The following NR2F2 variants were observed in gnomAD, a reference collection of about 807,000 sequenced individuals.
NR2F2 encodes the protein COUP transcription factor 2.
NR2F2 carries 2 observed loss-of-function variants against 34.8 expected under a neutral mutation model. The ratio of observed to expected loss-of-function variants is 0.06; its 90% CI spans 0.02 to 0.18. NR2F2 has a LOEUF of 0.18. NR2F2 is among the 10% of genes least tolerant of loss of function. NR2F2 has a pLI of 1.00. For synonymous variants in NR2F2, 274 were observed against 251.8 expected (o/e 1.09, Z -0.84); for missense variants, 300 against 580.1 (o/e 0.52, Z 4.96).
chr15:96,337,166 C>G (rs2141171835), intron 2 of NR2F2, among the ~76,000 whole-genome samples, 182 bp from the exon 3 acceptor site: 1 of 152,168 alleles, frequency 6.6e-6, no homozygotes, highest in Non-Finnish European at 1.5e-5. Context: ...CCCGCCTCCC[C>G]CCCTTAAGTT....
chr15:96,333,261 C>T, intron 1 of NR2F2: 1 of 867,076 alleles, frequency 1.2e-6, no homozygotes, highest in Non-Finnish European at 1.4e-6. Context: ...CAATGGCGCG[C>T]TCGGCGCGGG....
In NR2F2 at chr15:96,332,163, G is replaced by A; in HGVS notation, c.58G>A (p.Gly20Ser). The change falls in exon 1 of 3, where the codon GGC becomes AGC. Residue 20 changes from glycine (G) to serine (S), a missense_variant. By Grantham distance (56) the Gly-to-Ser change is moderately conservative. Transcript: ENST00000394166. ...DPQDEVPGSQ[G>S]SQASQAPPVP... The stretch of plus-strand genomic sequence containing the variant: ...CCAGGACGAGGTGCCCGGCTCACAG[G>A]GCAGCCAGGCCTCGCAGGCGCCGCC... 1 of 1,346,556 alleles carries A rather than the reference G, an allele frequency of 7.4e-7. No homozygotes were observed. Among genetic ancestry groups the A allele is most frequent in the South Asian group, 2.0e-5 (1 of 49,822 alleles). 83.4% of individuals were successfully genotyped at this position (1,346,556 alleles called of 1,614,324 possible).
In NR2F2 at chr15:96,338,738, T is replaced by C. The variant is rs2141173375; in HGVS notation, c.*1116T>C. On this transcript the variant is annotated 3_prime_UTR_variant, in exon 3 of 3. Coordinates refer to ENST00000394166, the MANE Select transcript of NR2F2 (RefSeq NM_021005.4). The stretch of plus-strand genomic sequence containing the variant: ...GTAAAAGTTATAATAACTGAACTGT[T>C]TGGTCGAGTCTTTGTGTGTTATATT... The C allele has an allele frequency of 1.3e-5, 2 of 152,610 alleles. No individual in the cohort carries two copies. The highest frequency in any genetic ancestry group is 4.2e-4 in the South Asian group (2 of 4,814). 9.5% of individuals were successfully genotyped at this position (152,610 alleles called of 1,614,324 possible).
In NR2F2 at chr15:96,332,029, A is replaced by G; in HGVS notation, c.-77A>G. The G allele has an allele frequency of 8.1e-7, 1 of 1,230,446 alleles. No individual in the cohort carries two copies. The allele number at this position is 1,230,446 out of a possible 1,614,324, so 76.2% of individuals were successfully genotyped here. On this transcript the variant is annotated 5_prime_UTR_variant, in exon 1 of 3. Transcript: ENST00000394166. ...ACAAAAGGCGGCGCGCCGGAGCCCG[A>G]GACCCGGGGAGCCGCCGCCGCCCCG...
intron 1 of NR2F2, chr15:96,333,389 G>A: frequency 3.0e-6 from 3 of 1,001,664 alleles, no homozygotes; most frequent in Non-Finnish European, 3.6e-6. Flanking sequence ...GGCTTTCCCC[G>A]GCCCTTACAG....
intron 2 of NR2F2, among the ~76,000 whole-genome samples, chr15:96,334,928 C>CG (rs1418788610): frequency 6.6e-6 from 1 of 152,246 alleles, no homozygotes; most frequent in Admixed American, 6.5e-5. Context: ...CCAGGCCCCC[C>CG]GGGCCTGCTG....
Position 96,331,600 on chromosome 15 carries a change from CCGCCAA to C in NR2F2, c.-504_-499del. ...TCCTCCTCCTCCTCCTCCTCCTCCT[CCGCCAA>C]CTCCTCGGCTGCACACCAGCTCTAA... On this transcript the variant is annotated 5_prime_UTR_variant, in exon 1 of 3. Coordinates refer to ENST00000394166, the MANE Select transcript of NR2F2 (RefSeq NM_021005.4). 7 of 1,212,848 alleles carry C rather than the reference CCGCCAA, an allele frequency of 5.8e-6. No homozygotes were observed. Among genetic ancestry groups the C allele is most frequent in the Non-Finnish European group, 7.2e-6 (7 of 973,080 alleles). 75.1% of individuals were successfully genotyped at this position (1,212,848 alleles called of 1,614,324 possible). A position where few individuals can be genotyped will look rare whatever the true frequency, so the allele number is the denominator to read the frequency against.
chr15:96,330,991 T>G lies in NR2F2; in HGVS notation c.-1115T>G. ...GGTGATCTGCCCTCCTCTCTCTCTT[T>G]TATCATTTCTCCCCCGCCGCCGGCG... On this transcript the variant is annotated 5_prime_UTR_variant, in exon 1 of 3. Coordinates refer to ENST00000394166, the MANE Select transcript of NR2F2 (RefSeq NM_021005.4). The G allele has an allele frequency of 8.3e-7, 1 of 1,211,862 alleles. No individual in the cohort carries two copies. The highest frequency in any genetic ancestry group is 1.0e-6 in the Non-Finnish European group (1 of 974,790). 75.1% of individuals were successfully genotyped at this position (1,211,862 alleles called of 1,614,324 possible). A position where few individuals can be genotyped will look rare whatever the true frequency, so the allele number is the denominator to read the frequency against.
upstream of NR2F2, chr15:96,326,279 T>C (rs761017148): frequency 3.1e-6 from 5 of 1,602,224 alleles, no homozygotes; most frequent in Middle Eastern, 5.0e-4. The surrounding 1 kb of genome is among the most constrained non-coding windows in gnomAD (Gnocchi z 5.5). Flanking sequence ...CCCGCCAAAC[T>C]AAAGGAGAGT....
intron 2 of NR2F2, among the ~76,000 whole-genome samples, chr15:96,335,969 G>C (rs1045702525): frequency 1.3e-5 from 2 of 152,126 alleles, no homozygotes; most frequent in African/African-American, 2.4e-5. Context: ...TATTTTTCTC[G>C]AGTGCCCCTC....
rs916162993 is a variant in NR2F2, at chr15:96,331,052, GGCAGCA to G, written c.-1042_-1037del. On this transcript the variant is annotated 5_prime_UTR_variant, in exon 1 of 3. Coordinates refer to ENST00000394166, the MANE Select transcript of NR2F2 (RefSeq NM_021005.4). The stretch of plus-strand genomic sequence containing the variant: ...TTCCCTATGTGTGTGAGGCGGCGGC[GGCAGCA>G]GCAGCAGCAGCGGCTCCGGCGGCGG... 4.0e-6 allele frequency: 5 copies of G among 1,238,752 alleles called. No homozygotes were observed. Among genetic ancestry groups the G allele is most frequent in the East Asian group, 3.1e-5 (1 of 31,908 alleles). The allele number at this position is 1,238,752 out of a possible 1,614,324, so 76.7% of individuals were successfully genotyped here.
intron 2 of NR2F2, among the ~76,000 whole-genome samples, chr15:96,334,974 C>A (rs1899280300): frequency 6.6e-6 from 1 of 152,266 alleles, no homozygotes; most frequent in Non-Finnish European, 1.5e-5. Context: ...TCGGTTTTCT[C>A]TAGCGCCCTG....
upstream of NR2F2, chr15:96,326,397 A>C: frequency 1.6e-5 from 25 of 1,527,472 alleles, no homozygotes; most frequent in Non-Finnish European, 2.2e-5. The surrounding 1 kb of genome is among the most constrained non-coding windows in gnomAD (Gnocchi z 5.5). Flanking sequence ...TTCCTTTCTC[A>C]CTTTTCTGCT....
chr15:96,330,435 T>TCCCCGC (rs1555446817), upstream of NR2F2, among the ~76,000 whole-genome samples: 1 of 125,310 alleles, frequency 8.0e-6, no homozygotes, highest in African/African-American at 2.9e-5. Flanking sequence ...GGCCACCCCG[T>TCCCCGC]CCCCGCCCCC....
rs996791631 is a variant in NR2F2 at position 96,330,825 on chromosome 15, C to CGT, written c.-1274_-1273dup. On this transcript the variant is annotated 5_prime_UTR_variant, in exon 1 of 3. Coordinates refer to ENST00000394166, the MANE Select transcript of NR2F2 (RefSeq NM_021005.4). ...TCCGCGGTGTGTGTGTGCGTGCGCG[C>CGT]GTGTGTGTTTTCTTCTTCTCCTCCT... 2.6e-6 allele frequency: 3 copies of CGT among 1,138,404 alleles called. No individual in the cohort carries two copies. The highest frequency in any genetic ancestry group is 3.6e-4 in the Middle Eastern group (1 of 2,788). 70.5% of individuals were successfully genotyped at this position (1,138,404 alleles called of 1,614,324 possible). A position where few individuals can be genotyped will look rare whatever the true frequency, so the allele number is the denominator to read the frequency against.
Position 96,332,067 on chromosome 15 carries a change from G to T in NR2F2, c.-39G>T. The stretch of plus-strand genomic sequence containing the variant: ...CGCCGCCGCCCCGCCGCCGCCCGCA[G>T]CCAGGGGAGCAGGAAGTCCGGACGC... On this transcript the variant is annotated 5_prime_UTR_variant, in exon 1 of 3. Coordinates refer to ENST00000394166, the MANE Select transcript of NR2F2 (RefSeq NM_021005.4). 7.9e-7 allele frequency: 1 copy of T among 1,270,984 alleles called. No individual in the cohort carries two copies. 78.7% of individuals were successfully genotyped at this position (1,270,984 alleles called of 1,614,324 possible). A position where few individuals can be genotyped will look rare whatever the true frequency, so the allele number is the denominator to read the frequency against.
At chr15:96,332,824 T>C (rs1306985195) in intron 1 of NR2F2, among the ~76,000 whole-genome samples, 1 of 151,768 alleles carries the variant, frequency 6.6e-6, no homozygotes, top group Non-Finnish European at 1.5e-5. Context: ...CTGCAAGGGA[T>C]GGGGTGTTTG....
rs1222598721 is a variant in NR2F2 at position 96,331,083 on chromosome 15, G to A, written c.-1023G>A. The A allele has an allele frequency of 2.4e-6, 3 of 1,224,500 alleles. No individual in the cohort carries two copies. The highest frequency in any genetic ancestry group is 3.2e-5 in the East Asian group (1 of 31,468). The allele number at this position is 1,224,500 out of a possible 1,614,324, so 75.9% of individuals were successfully genotyped here. A position where few individuals can be genotyped will look rare whatever the true frequency, so the allele number is the denominator to read the frequency against. ...AGCAGCAGCAGCGGCTCCGGCGGCGGCAGCAGCGGCAGCAGCGACTTCAGC... is the reference window on the plus strand; with the variant it reads ...AGCAGCAGCAGCGGCTCCGGCGGCGACAGCAGCGGCAGCAGCGACTTCAGC... On this transcript the variant is annotated 5_prime_UTR_variant, in exon 1 of 3. Transcript: ENST00000394166.
chr15:96,326,692 G>A (rs750550663), upstream of NR2F2, among the ~76,000 whole-genome samples: 9 of 152,212 alleles, frequency 5.9e-5, no homozygotes, highest in Non-Finnish European at 1.3e-4. The surrounding 1 kb of genome is among the most constrained non-coding windows in gnomAD (Gnocchi z 5.5). Flanking sequence ...TCCTTCCACA[G>A]AGCAAACTAA....
Sources: gnomAD v4.1 joint callset for allele counts (sites outside exome capture counted in the v4.1 genomes callset) on GRCh38, gnomAD v4.1.1 for gene constraint, Gnocchi (gnomAD v3.1) non-coding constraint, MANE v1.5 for transcripts, NCBI Gene and HGNC (gene_info 2026-07-23, HGNC 2026-07-21) for gene names.